Variants in ADGRL4 observed in about 807,000 individuals in gnomAD.
ADGRL4 encodes the protein adhesion G protein-coupled receptor L4, also known as EGF, latrophilin and seven transmembrane domain containing 1.
ADGRL4 carries 90 observed loss-of-function variants against 74.8 expected under a neutral mutation model. The observed-to-expected ratio is 1.20, with a 90% CI of 1.02 to 1.43. The LOEUF is 1.43. Among genes scored for constraint, ADGRL4 ranks in the 40% most tolerant of loss-of-function variants. ADGRL4 has a pLI of 0.00. For missense variants in ADGRL4, 881 were observed against 814.3 expected, an observed-to-expected ratio of 1.08 and a Z score of -1.00; for synonymous variants, 311 against 279.2, an observed-to-expected ratio of 1.11 and a Z score of -1.14.
At chr1:78,976,134 G>A (rs1221447950) in intron 2 of ADGRL4, among the ~76,000 whole-genome samples, 1 of 151,888 alleles carries the variant, frequency 6.6e-6, no homozygotes, top group Non-Finnish European at 1.5e-5. Context: ...GAAGAACAAG[G>A]TGACTAGAGT....
intron 2 of ADGRL4, among the ~76,000 whole-genome samples, chr1:78,994,429 A>C (rs1039644261): frequency 6.6e-6 from 1 of 152,190 alleles, no homozygotes; most frequent in African/African-American, 2.4e-5. Flanking sequence ...GGGCATCAAC[A>C]AACCAGAATT....
intron 2 of ADGRL4, among the ~76,000 whole-genome samples, chr1:78,993,375 T>G (rs1650647808): frequency 6.6e-6 from 1 of 152,198 alleles, no homozygotes; most frequent in Non-Finnish European, 1.5e-5. Flanking sequence ...ATTAAACCTA[T>G]AAAACCTCAT....
chr1:78,925,616 C>A (rs575814797), intron 8 of ADGRL4, among the ~76,000 whole-genome samples: 2 of 152,032 alleles, frequency 1.3e-5, no homozygotes, highest in African/African-American at 4.8e-5. Context: ...AGAGACTAAG[C>A]AGGTATATTG....
chr1:78,951,094 G>C (rs1450161742), intron 2 of ADGRL4, among the ~76,000 whole-genome samples: 1 of 152,090 alleles, frequency 6.6e-6, no homozygotes, highest in East Asian at 1.9e-4. Context: ...CTGAGAAAAG[G>C]GGCAAGCCTG....
chr1:78,914,022 C>T (rs1230816341), intron 12 of ADGRL4, among the ~76,000 whole-genome samples: 1 of 151,814 alleles, frequency 6.6e-6, no homozygotes, highest in Non-Finnish European at 1.5e-5. Context: ...GGTGATTCTT[C>T]AGTTGATGTC....
chr1:78,909,864 G>A (rs895314222), intron 12 of ADGRL4, among the ~76,000 whole-genome samples: 1 of 151,774 alleles, frequency 6.6e-6, no homozygotes, highest in African/African-American at 2.4e-5. Context: ...AGTATTATTT[G>A]TAATAAGTAA....
Position 78,937,872 on chromosome 1 carries a change from G to C in ADGRL4, c.695C>G (p.Ala232Gly), listed in dbSNP as rs1309269061. ...LTKLMHTVEQ[A>G]TLRISQSFQK... ...GAAGCTCTGGGATATCCTTAAAGTA[G>C]CTTGTTCAACAGTGTGCATGAGTTT... The change falls in exon 6 of 15, where the codon GCT (alanine) becomes GGT (glycine). Residue 232 changes from alanine to glycine, a missense_variant. By Grantham distance (60) the Ala-to-Gly change is moderately conservative. Coordinates refer to ENST00000370742, the MANE Select transcript of ADGRL4 (RefSeq NM_022159.4). 1 of 1,613,954 alleles carries C rather than the reference G, an allele frequency of 6.2e-7. No individual in the cohort carries two copies. Among genetic ancestry groups the C allele is most frequent in the Non-Finnish European group, 8.5e-7 (1 of 1,179,922 alleles).
At chr1:79,005,248 C>T (rs2100746534) in intron 1 of ADGRL4, 29 bp from the exon 2 acceptor site, 1 of 1,537,658 alleles carries the variant, frequency 6.5e-7, no homozygotes, top group Non-Finnish European at 8.8e-7. Flanking sequence ...TACACCTTTT[C>T]AAAAAGTAAA....
At chr1:78,950,900 G>A (rs763443394) in intron 2 of ADGRL4, among the ~76,000 whole-genome samples, 8 of 152,122 alleles carry the variant, frequency 5.3e-5, no homozygotes, top group Non-Finnish European at 8.8e-5. Context: ...GTAAGATGTT[G>A]AGTCACTTTT....
At chr1:78,987,314 C>T (rs1650517963) in intron 2 of ADGRL4, among the ~76,000 whole-genome samples, 1 of 151,704 alleles carries the variant, frequency 6.6e-6, no homozygotes, top group Non-Finnish European at 1.5e-5. Context: ...CATCCATTGA[C>T]ATATAGGTAA....
chr1:78,913,553 A>G (rs1175028641), intron 12 of ADGRL4, among the ~76,000 whole-genome samples: 1 of 151,874 alleles, frequency 6.6e-6, no homozygotes, highest in South Asian at 2.1e-4. Context: ...GCTCTCACTT[A>G]TAAGTGGGAG....
chr1:78,907,893 C>A (rs1025972080), intron 12 of ADGRL4, among the ~76,000 whole-genome samples: 11 of 151,802 alleles, frequency 7.2e-5, no homozygotes, highest in African/African-American at 2.7e-4. Flanking sequence ...TTTGCCTGGG[C>A]TGGTTGTCAT....
At chr1:78,899,194 T>C (rs1243281030) in intron 12 of ADGRL4, among the ~76,000 whole-genome samples, 1 of 152,206 alleles carries the variant, frequency 6.6e-6, no homozygotes, top group East Asian at 1.9e-4. Context: ...AATGTCTTTG[T>C]TCTTTCAAAT....
At chr1:79,002,887 G>C (rs1650873207) in intron 2 of ADGRL4, among the ~76,000 whole-genome samples, 1 of 151,936 alleles carries the variant, frequency 6.6e-6, no homozygotes, top group Non-Finnish European at 1.5e-5. Context: ...TATTTTGTAG[G>C]ACCATGCAAA....
intron 2 of ADGRL4, among the ~76,000 whole-genome samples, chr1:78,979,348 C>T (rs115162914): frequency 0.015 from 2,278 of 152,038 alleles, 59 homozygotes; most frequent in African/African-American, 0.052. Flanking sequence ...TGACCACGTT[C>T]TTCTTCTATT....
chr1:79,006,456 C>A (rs1571992), intron 1 of ADGRL4, among the ~76,000 whole-genome samples, 177 bp downstream of exon 1: 103,228 of 152,044 alleles, frequency 0.68, 35,921 homozygotes, highest in Middle Eastern at 0.78. Flanking sequence ...TTGGAATATT[C>A]AACTTTAGAG....
At chr1:78,985,274 T>A (rs1650470332) in intron 2 of ADGRL4, among the ~76,000 whole-genome samples, 1 of 151,746 alleles carries the variant, frequency 6.6e-6, no homozygotes, top group African/African-American at 2.4e-5. Flanking sequence ...TAGGTGTCCA[T>A]GCATAGAAAG....
chr1:78,933,111 G>A (rs1434787433), intron 7 of ADGRL4, among the ~76,000 whole-genome samples: 1 of 151,396 alleles, frequency 6.6e-6, no homozygotes, highest in African/African-American at 2.5e-5. Flanking sequence ...CCAAAACCTG[G>A]CAGAGACACA....
chr1:78,967,164 A>G (rs1035100530), intron 2 of ADGRL4, among the ~76,000 whole-genome samples: 5 of 152,206 alleles, frequency 3.3e-5, no homozygotes, highest in African/African-American at 1.2e-4. Flanking sequence ...AGCCTTAAAA[A>G]TTATTGGTAA....
Sources: gnomAD v4.1 joint callset for allele counts (sites outside exome capture counted in the v4.1 genomes callset) on GRCh38, gnomAD v4.1.1 for gene constraint, MANE v1.5 for transcripts, NCBI Gene and HGNC (gene_info 2026-07-23, HGNC 2026-07-21) for gene names.